Variants in NEDD9 observed in about 807,000 individuals in gnomAD.
NEDD9 encodes neural precursor cell expressed, developmentally down-regulated 9.
In NEDD9, 26 loss-of-function variants were observed where a neutral mutation model predicts 76.6. The ratio of observed to expected loss-of-function variants is 0.34; its 90% CI spans 0.25 to 0.47. The LOEUF (loss-of-function observed/expected upper bound fraction) is 0.47, where lower values mean the gene tolerates loss of function less well. NEDD9 is among the 20% of genes least tolerant of loss of function. NEDD9 has a pLI of 1.00. For synonymous variants in NEDD9, 392 were observed against 414.2 expected (o/e 0.95, Z 0.65); for missense variants, 937 against 1,058.5 (o/e 0.89, Z 1.59).
chr6:11,374,178 T>C (rs1762932796), intron 1 of NEDD9, among the ~76,000 whole-genome samples: 2 of 152,254 alleles, frequency 1.3e-5, no homozygotes, highest in South Asian at 4.1e-4. Flanking sequence ...AATCAATATA[T>C]GTCATTTGCC....
rs2113567996 is a variant in NEDD9 at position 11,370,106 on chromosome 6, G to T, written c.-214+12033C>A. Reference sequence around the variant, plus strand: ...GGATGTCAACTGAGGTATATAAAGAGTCTTTTCCCTAAGGAACATTTCGTT... The same window carrying T: ...GGATGTCAACTGAGGTATATAAAGATTCTTTTCCCTAAGGAACATTTCGTT... On this transcript the variant is annotated intron_variant, in intron 1 of 3. Transcript: ENST00000397378. The surrounding 1 kb of genome is among the most constrained non-coding windows in gnomAD (Gnocchi z 4.2). Among the ~76,000 whole-genome samples the T allele has an allele frequency of 1.3e-5, 2 of 152,298 alleles. No homozygotes were observed. The highest frequency in any genetic ancestry group is 4.8e-5 in the African/African-American group (2 of 41,554).
intron 3 of NEDD9, among the ~76,000 whole-genome samples, chr6:11,259,603 G>A (rs1760066960): frequency 6.6e-6 from 1 of 152,196 alleles, no homozygotes; most frequent in South Asian, 2.1e-4. Flanking sequence ...TTGTTTGTAT[G>A]CTCTCAATTT....
intron 3 of NEDD9, among the ~76,000 whole-genome samples, chr6:11,256,992 G>A (rs536636391): frequency 5.1e-4 from 78 of 152,178 alleles, no homozygotes; most frequent in Non-Finnish European, 8.7e-4. Flanking sequence ...CAATGCTCAT[G>A]AATGCCAGAA....
rs567975375 is a variant in NEDD9, at chr6:11,378,573, G to A, written c.-214+3566C>T. Among the ~76,000 whole-genome samples the A allele has an allele frequency of 3.3e-5, 5 of 152,302 alleles. No homozygotes were observed. In the South Asian group the frequency reaches 1.0e-3, roughly 32 times the overall value. Reference sequence around the variant, plus strand: ...TTGGGTAGTGGGGTAACAGGTGGATGTGTATTTATGTTTTTATTCCTATGA... The same window carrying A: ...TTGGGTAGTGGGGTAACAGGTGGATATGTATTTATGTTTTTATTCCTATGA... On this transcript the variant is annotated intron_variant, in intron 1 of 3. Transcript: ENST00000397378.
At chr6:11,263,149 G>T (rs74772748) in intron 3 of NEDD9, among the ~76,000 whole-genome samples, 1 of 152,150 alleles carries the variant, frequency 6.6e-6, no homozygotes, top group Non-Finnish European at 1.5e-5. Context: ...CAGGGGATAT[G>T]TTCCAGATAA....
intron 3 of NEDD9, among the ~76,000 whole-genome samples, chr6:11,284,074 TCTC>T (rs1760594184): frequency 6.6e-6 from 1 of 152,066 alleles, no homozygotes; most frequent in Admixed American, 6.5e-5. Context: ...ATTCATACAA[TCTC>T]CTCCAGGGTT....
At chr6:11,255,642 A>T (rs1244789264) in intron 3 of NEDD9, among the ~76,000 whole-genome samples, 1 of 152,124 alleles carries the variant, frequency 6.6e-6, no homozygotes, top group East Asian at 1.9e-4. Flanking sequence ...TAGGCTTGAG[A>T]GGCAGAAAAT....
intron 1 of NEDD9, among the ~76,000 whole-genome samples, chr6:11,355,234 T>A (rs2113541434): frequency 6.6e-6 from 1 of 152,068 alleles, no homozygotes; most frequent in African/African-American, 2.4e-5. Flanking sequence ...TCAAAACACA[T>A]AAAATAAGGG....
Position 11,252,592 on chromosome 6 carries a change from G to A in NEDD9, c.13-38865C>T, listed in dbSNP as rs1262209730. Among the ~76,000 whole-genome samples, 1 of 152,192 alleles carries A rather than the reference G, an allele frequency of 6.6e-6. No homozygotes were observed. The highest frequency in any genetic ancestry group is 6.5e-5 in the Admixed American group (1 of 15,272). ...AGCAGAAAGGAGCTGGTAGGAAATA[G>A]ACATCTTAGGTCCATGTCACTTACA... On this transcript the variant is annotated intron_variant, in intron 3 of 3. Coordinates refer to the NEDD9 transcript ENST00000397378. This position sits in a 1 kb window ranked among gnomAD's most constrained non-coding sequence, Gnocchi z 4.3.
intron 1 of NEDD9, among the ~76,000 whole-genome samples, chr6:11,218,333 G>T (rs1054735915): frequency 1.6e-4 from 23 of 145,478 alleles, no homozygotes; most frequent in Non-Finnish European, 2.8e-4. Flanking sequence ...CCTTCATTCA[G>T]GTCTTCAGCA....
rs79761015 is a variant in NEDD9, at chr6:11,191,313, C to T, written c.664-108G>A. 3,489 of 1,188,918 alleles carry T rather than the reference C, an allele frequency of 2.9e-3. 9 individuals are homozygous for T. The highest frequency in any genetic ancestry group is 3.7e-3 in the Non-Finnish European group (3,242 of 870,232). The allele number at this position is 1,188,918 out of a possible 1,614,324, so 73.6% of individuals were successfully genotyped here. A position where few individuals can be genotyped will look rare whatever the true frequency, so the allele number is the denominator to read the frequency against. On this transcript the variant is annotated intron_variant, in intron 4 of 6. Transcript: ENST00000379446. ...CTGGCACTTTTTCGGTCGCCCTCCC[C>T]CGCCCCAATGTTAGGCACTTCCAAG...
intron 3 of NEDD9, among the ~76,000 whole-genome samples, chr6:11,278,702 A>G (rs547827421): frequency 6.6e-6 from 1 of 152,374 alleles, no homozygotes; most frequent in African/African-American, 2.4e-5. Flanking sequence ...TGGCTACTCA[A>G]CACAGTCACC....
chr6:11,228,634 G>GC (rs1374542424), intron 1 of NEDD9, among the ~76,000 whole-genome samples: 2 of 151,920 alleles, frequency 1.3e-5, no homozygotes, highest in Non-Finnish European at 2.9e-5. Flanking sequence ...GGACTGACGT[G>GC]TATCCCAGCA....
At chr6:11,363,281 A>G (rs540429357) in intron 1 of NEDD9, among the ~76,000 whole-genome samples, 1 of 152,344 alleles carries the variant, frequency 6.6e-6, no homozygotes, top group African/African-American at 2.4e-5. Context: ...TTGATTAACT[A>G]CTTTGCATTG....
At chr6:11,291,162 T>C (rs1046716994) in intron 3 of NEDD9, among the ~76,000 whole-genome samples, 3 of 152,080 alleles carry the variant, frequency 2.0e-5, no homozygotes, top group Non-Finnish European at 2.9e-5. Context: ...ACGATTTCCT[T>C]GCTACTGCGG....
chr6:11,347,265 A>G (rs1172101588), intron 1 of NEDD9, among the ~76,000 whole-genome samples: 1 of 152,160 alleles, frequency 6.6e-6, no homozygotes, highest in Non-Finnish European at 1.5e-5. Flanking sequence ...TTCTTTATTT[A>G]TAAATCTGGG....
chr6:11,374,454 C>T (rs1762938961), intron 1 of NEDD9, among the ~76,000 whole-genome samples: 1 of 152,154 alleles, frequency 6.6e-6, no homozygotes, highest in African/African-American at 2.4e-5. Flanking sequence ...AAATGCTTCC[C>T]ATGGTGAGGC....
chr6:11,336,018 G>A (rs1386522651), intron 1 of NEDD9, among the ~76,000 whole-genome samples: 1 of 152,172 alleles, frequency 6.6e-6, no homozygotes, highest in East Asian at 1.9e-4. Flanking sequence ...CCAGGAGTCT[G>A]TCTGGGCTCC....
At chr6:11,242,795 G>T (rs1168914727) in intron 3 of NEDD9, among the ~76,000 whole-genome samples, 1 of 152,114 alleles carries the variant, frequency 6.6e-6, no homozygotes, top group Non-Finnish European at 1.5e-5. Context: ...AAACCTGGAG[G>T]CCAGATGAGC....
Sources: allele counts gnomAD v4.1 joint callset (sites outside exome capture counted in the v4.1 genomes callset), GRCh38; gene constraint gnomAD v4.1.1; non-coding constraint Gnocchi (gnomAD v3.1); transcripts MANE v1.5; gene names NCBI Gene and HGNC (gene_info 2026-07-23, HGNC 2026-07-21).